Variants in EYA4 observed in about 807,000 individuals in gnomAD.
EYA4 encodes EYA transcriptional coactivator and phosphatase 4, also known as protein phosphatase EYA4.
A neutral mutation model predicts 87.9 loss-of-function variants in EYA4; 31 were observed. The observed-to-expected ratio is 0.35, with a 90% CI of 0.27 to 0.48. The LOEUF (loss-of-function observed/expected upper bound fraction) is 0.48, where lower values mean the gene tolerates loss of function less well. EYA4 is among the 20% of genes least tolerant of loss of function. EYA4 has a pLI of 0.99. For synonymous variants in EYA4, 263 were observed against 270.6 expected (o/e 0.97, Z 0.28); for missense variants, 678 against 761.4 (o/e 0.89, Z 1.29).
chr6:133,334,490 A>C (rs147668852), intron 2 of EYA4, among the ~76,000 whole-genome samples: 1 of 152,282 alleles, frequency 6.6e-6, no homozygotes, highest in East Asian at 1.9e-4. Context: ...GGATATCTGG[A>C]AATTGTATTA....
intron 2 of EYA4, among the ~76,000 whole-genome samples, chr6:133,296,505 G>A (rs1778957514): frequency 6.6e-6 from 1 of 152,146 alleles, no homozygotes; most frequent in Non-Finnish European, 1.5e-5. Context: ...TGGAAGTAAT[G>A]AGGAGTGGTA....
At chr6:133,261,519 G>A (rs1204155751) in intron 1 of EYA4, among the ~76,000 whole-genome samples, 1 of 152,100 alleles carries the variant, frequency 6.6e-6, no homozygotes, top group East Asian at 1.9e-4. Flanking sequence ...TATACAGAAT[G>A]ACAACTAAAA....
At chr6:133,442,972 T>C (rs1341733980) in intron 3 of EYA4, among the ~76,000 whole-genome samples, 1 of 152,096 alleles carries the variant, frequency 6.6e-6, no homozygotes, top group African/African-American at 2.4e-5. Context: ...ATTACTGGCA[T>C]AAAGCGCACT....
In EYA4 at chr6:133,461,197, T is replaced by A; in HGVS notation, c.437+17T>A. 1 of 1,589,532 alleles carries A rather than the reference T, an allele frequency of 6.3e-7. No individual in the cohort carries two copies. Among genetic ancestry groups the A allele is most frequent in the Non-Finnish European group, 8.6e-7 (1 of 1,157,742 alleles). The stretch of plus-strand genomic sequence containing the variant: ...TCCTTCCAAGTAAGTGGTCAGTAGA[T>A]TCTTGCTTTAAATTGGCAAACATTT... On this transcript the variant is annotated intron_variant, in intron 7 of 19. Coordinates refer to ENST00000355286, the MANE Select transcript of EYA4 (RefSeq NM_004100.5).
chr6:133,531,333 T>G lies in EYA4; in HGVS notation c.*2528T>G, dbSNP rs970999082. On this transcript the variant is annotated 3_prime_UTR_variant, in exon 20 of 20. Coordinates refer to ENST00000355286, the MANE Select transcript of EYA4 (RefSeq NM_004100.5). ...CATGGGACGTTGAGTATGCACAAAC[T>G]AGAACTCTTCCCTTCCCACCTTAGG... is the stretch of plus-strand genomic sequence containing the variant. The G allele has an allele frequency of 5.2e-6, 4 of 773,656 alleles. No homozygotes were observed. The highest frequency in any genetic ancestry group is 8.5e-6 in the Non-Finnish European group (4 of 471,876). The allele number at this position is 773,656 out of a possible 1,614,324, so 47.9% of individuals were successfully genotyped here.
At chr6:133,272,094 G>A (rs1214379131) in intron 1 of EYA4, among the ~76,000 whole-genome samples, 1 of 152,168 alleles carries the variant, frequency 6.6e-6, no homozygotes, top group Non-Finnish European at 1.5e-5. Flanking sequence ...GCACAACGAG[G>A]TGCACTGCTC....
chr6:133,481,391 A>G, intron 11 of EYA4, 72 bp from the exon 12 acceptor site: 15 of 1,409,602 alleles, frequency 1.1e-5, no homozygotes, highest in Middle Eastern at 4.4e-4. Flanking sequence ...TTGTTAAGAT[A>G]ATTAATAATG....
At chr6:133,483,698 G>GTTATTA (rs71545064) in intron 13 of EYA4, among the ~76,000 whole-genome samples, 6,557 of 134,234 alleles carry the variant, frequency 0.049, 194 homozygotes, top group South Asian at 0.12. Flanking sequence ...TTATTTCATT[G>GTTATTA]TTATTATTAT....
chr6:133,476,807 G>T (rs2128696195), intron 11 of EYA4, among the ~76,000 whole-genome samples: 1 of 152,120 alleles, frequency 6.6e-6, no homozygotes, highest in South Asian at 2.1e-4. Flanking sequence ...TCCGTTTTTA[G>T]GAACTTCCAT....
At chr6:133,492,810 C>T (rs1280599037) in intron 13 of EYA4, among the ~76,000 whole-genome samples, 2 of 152,092 alleles carry the variant, frequency 1.3e-5, no homozygotes, top group Non-Finnish European at 2.9e-5. Context: ...TATATGTCAG[C>T]TGTGAACAAT....
At chr6:133,340,005 T>G (rs1782665404) in intron 2 of EYA4, among the ~76,000 whole-genome samples, 1 of 152,136 alleles carries the variant, frequency 6.6e-6, no homozygotes, top group African/African-American at 2.4e-5. Context: ...CTCCTGGGCT[T>G]GATAGAATTT....
At position 133,513,000 on chromosome 6, in the gene EYA4, T is replaced by C. The variant is rs771071030; in HGVS notation, c.1463T>C (p.Val488Ala). 2.5e-6 allele frequency: 4 copies of C among 1,613,934 alleles called. No homozygotes were observed. The South Asian group carries it at 3.3e-5, about 13-fold the overall frequency. Residue 488 changes from valine (V) to alanine (A), a missense_variant, in exon 16 of 20, where the codon GTA becomes GCA. Coordinates refer to ENST00000355286, the MANE Select transcript of EYA4 (RefSeq NM_004100.5). ...AAGTTGGCTTTTCGTTACAGAAGAG[T>C]AAAAGAATTATATAACACCTACAAG... ...MRKLAFRYRRVKELYNTYKNN... is the reference protein window; with the variant it reads ...MRKLAFRYRRAKELYNTYKNN...
At position 133,529,594 on chromosome 6, in the gene EYA4, C is replaced by G. The variant is rs992612130; in HGVS notation, c.*789C>G. 1 of 984,650 alleles carries G rather than the reference C, an allele frequency of 1.0e-6. No individual in the cohort carries two copies. Among genetic ancestry groups the G allele is most frequent in the African/African-American group, 1.8e-5 (1 of 56,900 alleles). 61.0% of individuals were successfully genotyped at this position (984,650 alleles called of 1,614,324 possible). On this transcript the variant is annotated 3_prime_UTR_variant, in exon 20 of 20. Transcript: ENST00000355286. ...AAATTTAAAAGTCAAGCTCTCAGAG[C>G]TTAATTACCGCATCAGCAAGAAACT...
intron 3 of EYA4, among the ~76,000 whole-genome samples, chr6:133,398,179 G>A (rs543557222): frequency 1.9e-4 from 29 of 152,304 alleles, no homozygotes; most frequent in African/African-American, 6.5e-4. Context: ...CAGAGGAATC[G>A]TGAAAGAAAG....
At chr6:133,316,975 C>T (rs1370293613) in intron 2 of EYA4, among the ~76,000 whole-genome samples, 5 of 152,140 alleles carry the variant, frequency 3.3e-5, no homozygotes, top group Non-Finnish European at 7.3e-5. Flanking sequence ...AGAAGCAAAG[C>T]TTTACTCATT....
chr6:133,519,501 C>A (rs904365108), intron 17 of EYA4, among the ~76,000 whole-genome samples: 1 of 151,492 alleles, frequency 6.6e-6, no homozygotes, highest in African/African-American at 2.4e-5. Context: ...TGGCAATAAT[C>A]CATAGCTTAC....
At chr6:133,253,160 G>A (rs1286379532) in intron 1 of EYA4, among the ~76,000 whole-genome samples, 2 of 152,068 alleles carry the variant, frequency 1.3e-5, no homozygotes, top group Admixed American at 6.5e-5. Context: ...TAAAGTGGGT[G>A]CTGGGCAACC....
intron 3 of EYA4, among the ~76,000 whole-genome samples, chr6:133,396,697 G>A (rs916348255): frequency 3.3e-5 from 5 of 152,122 alleles, no homozygotes; most frequent in African/African-American, 1.2e-4. Context: ...GAAAAAATGA[G>A]GAGAGGGTGT....
At chr6:133,258,567 C>T (rs955756653) in intron 1 of EYA4, among the ~76,000 whole-genome samples, 2 of 152,198 alleles carry the variant, frequency 1.3e-5, no homozygotes, top group Non-Finnish European at 2.9e-5. Flanking sequence ...CTTCAGAGTA[C>T]GTAGTGATGA....
Sources: gnomAD v4.1 joint callset for allele counts (sites outside exome capture counted in the v4.1 genomes callset) on GRCh38, gnomAD v4.1.1 for gene constraint, MANE v1.5 for transcripts, NCBI Gene and HGNC (gene_info 2026-07-23, HGNC 2026-07-21) for gene names.